The following RNF220 variants were observed in gnomAD, a reference collection of about 807,000 sequenced individuals.
The protein encoded by RNF220 is ring finger protein 220.
Under a neutral mutation model 67.1 loss-of-function variants are expected in RNF220, and 7 were observed. The observed-to-expected ratio is 0.10, with a 90% confidence interval of 0.06 to 0.20. RNF220 has a LOEUF of 0.20. Ranked by LOEUF, RNF220 falls within the 10% of genes least tolerant of loss-of-function variation. The pLI is 1.00. For missense variants in RNF220, 565 were observed against 740.3 expected (o/e 0.76, Z 2.75); for synonymous variants, 270 against 283.2 (o/e 0.95, Z 0.47).
At position 44,650,909 on chromosome 1, in the gene RNF220, TAC is replaced by T. The variant is rs1235968314; in HGVS notation, c.*146_*147del. ...ATACATGCACATACTCAAACATGCG[TAC>T]ACACACACACATTTACACACGCAGG... On this transcript the variant is annotated 3_prime_UTR_variant, in exon 15 of 15. Transcript: ENST00000361799. The surrounding 1 kb of genome is among the most constrained non-coding windows in gnomAD (Gnocchi z 4.3). The T allele has an allele frequency of 4.9e-4, 365 of 747,226 alleles. No individual in the cohort carries two copies. The highest frequency in any genetic ancestry group is 6.3e-4 in the Non-Finnish European group (271 of 430,728). 46.3% of individuals were successfully genotyped at this position (747,226 alleles called of 1,614,324 possible). A position where few individuals can be genotyped will look rare whatever the true frequency, so the allele number is the denominator to read the frequency against.
chr1:44,607,487 CTTTTT>C (rs10550619), intron 2 of RNF220, among the ~76,000 whole-genome samples: 9 of 118,756 alleles, frequency 7.6e-5, no homozygotes, highest in Non-Finnish European at 3.7e-5. Flanking sequence ...GTGCTGTTTT[CTTTTT>C]TTTTTTTTTT....
intron 2 of RNF220, among the ~76,000 whole-genome samples, chr1:44,486,313 C>G (rs1656300817): frequency 6.6e-6 from 1 of 152,210 alleles, no homozygotes; most frequent in Admixed American, 6.5e-5. Flanking sequence ...AGCTCAGAGG[C>G]TCCAGCAGGG....
Position 44,577,849 on chromosome 1 carries a change from T to C in RNF220, c.626-36316T>C, listed in dbSNP as rs547258404. 9.7e-4 allele frequency among the ~76,000 whole-genome samples: 147 copies of C among 152,044 alleles called. 1 individual carries two copies. Among genetic ancestry groups the C allele is most frequent in the African/African-American group, 3.4e-3 (141 of 41,514 alleles). On this transcript the variant is annotated intron_variant, in intron 2 of 14. Transcript: ENST00000361799. ...GGCGTGTCAAATGCCTTTTTTTTTT[T>C]TTTTTGAGAAAGGGTCTCACCCTAT...
rs138983272 is a variant in RNF220 at position 44,451,238 on chromosome 1, A to G, written c.625+38516A>G. ...GTACTTGTTTACATTCCCATCCAAAAGAGAGAATATTCATTTACATAATGA... is the reference window on the plus strand; with the variant it reads ...GTACTTGTTTACATTCCCATCCAAAGGAGAGAATATTCATTTACATAATGA... On this transcript the variant is annotated intron_variant, in intron 2 of 14. Coordinates refer to ENST00000361799, the MANE Select transcript of RNF220 (RefSeq NM_018150.4). Among the ~76,000 whole-genome samples, 1,252 of 152,258 alleles carry G rather than the reference A, an allele frequency of 8.2e-3. 15 individuals are homozygous for G. The highest frequency in any genetic ancestry group is 0.028 in the African/African-American group (1,157 of 41,554).
At chr1:44,569,434 G>A (rs1448370122) in intron 2 of RNF220, among the ~76,000 whole-genome samples, 1 of 152,164 alleles carries the variant, frequency 6.6e-6, no homozygotes, top group East Asian at 1.9e-4. Flanking sequence ...TAATAAGAGG[G>A]ATACGGTCCC....
At position 44,636,939 on chromosome 1, in the gene RNF220, C is replaced by T. The variant is rs1389512895; in HGVS notation, c.1126+777C>T. Among the ~76,000 whole-genome samples, 5 of 152,362 alleles carry T rather than the reference C, an allele frequency of 3.3e-5. No homozygotes were observed. In the South Asian group the frequency reaches 6.2e-4, roughly 19 times the overall value. ...TTAGTGACTTGTTAAACTCCCCAGC[C>T]TTGGGCAGGGGAAAAGGGGAGCTGT... On this transcript the variant is annotated intron_variant, in intron 8 of 14. Coordinates refer to ENST00000361799, the MANE Select transcript of RNF220 (RefSeq NM_018150.4).
At chr1:44,541,027 GA>G (rs1661632558) in intron 2 of RNF220, among the ~76,000 whole-genome samples, 1 of 152,150 alleles carries the variant, frequency 6.6e-6, no homozygotes, top group South Asian at 2.1e-4. Flanking sequence ...TTTTCCCTTA[GA>G]TTCTTTCACT....
At chr1:44,469,915 G>T (rs1416479996) in intron 2 of RNF220, among the ~76,000 whole-genome samples, 1 of 152,178 alleles carries the variant, frequency 6.6e-6, no homozygotes, top group African/African-American at 2.4e-5. Context: ...CTGCAGAGGA[G>T]TCTGACATTA....
chr1:44,586,705 G>T, intron 2 of RNF220, among the ~76,000 whole-genome samples: 1 of 152,216 alleles, frequency 6.6e-6, no homozygotes, highest in South Asian at 2.1e-4. Context: ...CAACGTAGAA[G>T]ACAGAGGAGA....
At chr1:44,418,642 C>A (rs377306500) in intron 2 of RNF220, among the ~76,000 whole-genome samples, 3 of 148,784 alleles carry the variant, frequency 2.0e-5, no homozygotes, top group Non-Finnish European at 3.0e-5. Context: ...TGTTTGAAAA[C>A]AAAAAAAAAA....
At chr1:44,632,527 G>GC in intron 6 of RNF220, 142 bp downstream of exon 6, 2 of 774,958 alleles carry the variant, frequency 2.6e-6, no homozygotes, top group South Asian at 3.1e-5. Context: ...CTGAGTATGT[G>GC]CAAACCAAAG....
intron 2 of RNF220, among the ~76,000 whole-genome samples, chr1:44,482,919 C>CATTTTTTTT (rs1557968970): frequency 8.1e-6 from 1 of 123,150 alleles, no homozygotes; most frequent in Non-Finnish European, 1.7e-5. Flanking sequence ...CCACACCCAG[C>CATTTTTTTT]CTTTTTTTTT....
chr1:44,474,378 A>AAATAATAATAAT (rs61147848), intron 2 of RNF220, among the ~76,000 whole-genome samples: 2 of 137,646 alleles, frequency 1.5e-5, no homozygotes, highest in East Asian at 2.1e-4. Flanking sequence ...CTGTCTCCAA[A>AAATAATAATAAT]AATAATAATA....
chr1:44,571,507 G>C (rs957244756), intron 2 of RNF220, among the ~76,000 whole-genome samples: 13 of 152,168 alleles, frequency 8.5e-5, no homozygotes, highest in Non-Finnish European at 1.3e-4. Context: ...TACTCCAGCA[G>C]TAGAAAGTAA....
chr1:44,600,271 C>T lies in RNF220; in HGVS notation c.626-13894C>T, dbSNP rs1256092273. Among the ~76,000 whole-genome samples, 1 of 152,110 alleles carries T rather than the reference C, an allele frequency of 6.6e-6. No individual in the cohort carries two copies. The highest frequency in any genetic ancestry group is 1.5e-5 in the Non-Finnish European group (1 of 68,028). The stretch of plus-strand genomic sequence containing the variant: ...AGAGCATCTTCTACGCAGTGTTGTA[C>T]GTGGCTCAGATTGGAGGTACAGGCT... On this transcript the variant is annotated intron_variant, in intron 2 of 14. Coordinates refer to ENST00000361799, the MANE Select transcript of RNF220 (RefSeq NM_018150.4). The surrounding 1 kb of genome is among the most constrained non-coding windows in gnomAD (Gnocchi z 4.0).
intron 2 of RNF220, among the ~76,000 whole-genome samples, chr1:44,461,742 A>C (rs978491882): frequency 6.6e-6 from 1 of 152,154 alleles, no homozygotes; most frequent in Non-Finnish European, 1.5e-5. Context: ...GCAATGGAAG[A>C]GAAACAAAGC....
chr1:44,444,835 A>G (rs999399151), intron 2 of RNF220, among the ~76,000 whole-genome samples: 1 of 152,192 alleles, frequency 6.6e-6, no homozygotes, highest in Non-Finnish European at 1.5e-5. Context: ...AAACATTTTT[A>G]TGTGTATCCT....
intron 2 of RNF220, among the ~76,000 whole-genome samples, chr1:44,494,861 A>G (rs182968975): frequency 6.6e-6 from 1 of 152,330 alleles, no homozygotes; most frequent in East Asian, 1.9e-4. Context: ...TTTAAAAAGA[A>G]GAATCACTTC....
intron 6 of RNF220, among the ~76,000 whole-genome samples, chr1:44,634,095 TG>T (rs1644252396): frequency 6.6e-6 from 1 of 152,210 alleles, no homozygotes; most frequent in Non-Finnish European, 1.5e-5. Context: ...TGGGTCTTTC[TG>T]GGGTTGCTCT....
Sources: gnomAD v4.1 joint callset for allele counts (sites outside exome capture counted in the v4.1 genomes callset) on GRCh38, gnomAD v4.1.1 for gene constraint, Gnocchi (gnomAD v3.1) non-coding constraint, MANE v1.5 for transcripts, NCBI Gene and HGNC (gene_info 2026-07-23, HGNC 2026-07-21) for gene names.